RLIG1: variants seen among roughly 807,000 people sequenced by gnomAD.
The protein encoded by RLIG1 is RNA 5'-phosphate and 3'-OH ligase 1.
At chr12:88,047,103 T>G in the RLIG1 span, 1 of 952,366 alleles carries the variant, frequency 1.1e-6, no homozygotes, top group Non-Finnish European at 1.5e-6. Flanking sequence ...TTTAATTTTC[T>G]CATCCCATGT....
At chr12:88,035,619 C>T in the RLIG1 span, 16 of 1,578,800 alleles carry the variant, frequency 1.0e-5, no homozygotes, top group South Asian at 1.5e-4. Flanking sequence ...GAAAGCACGC[C>T]CTCCATTCGC....
chr12:88,045,267 T>C, the RLIG1 span: 2 of 211,480 alleles, frequency 9.5e-6, no homozygotes, highest in Non-Finnish European at 1.9e-5. Flanking sequence ...AAAACTTATT[T>C]TATATAAAAA....
the RLIG1 span, chr12:88,042,926 T>A: frequency 1.5e-5 from 23 of 1,486,766 alleles, no homozygotes; most frequent in Non-Finnish European, 2.0e-5. Flanking sequence ...AAAAGGTTAG[T>A]TTTTTTTTAA....
chr12:88,040,039 G>A, the RLIG1 span: 1 of 704,550 alleles, frequency 1.4e-6, no homozygotes, highest in Middle Eastern at 2.7e-4. Flanking sequence ...AGATGAACTG[G>A]AGATCATTCC....
chr12:88,045,662 G>C, the RLIG1 span: 2 of 1,612,952 alleles, frequency 1.2e-6, no homozygotes, highest in African/African-American at 2.7e-5. Flanking sequence ...AATTGCCCTG[G>C]TACTAAAACA....
chr12:88,042,836 CT>C, the RLIG1 span: 1 of 1,507,594 alleles, frequency 6.6e-7, no homozygotes. Context: ...TCAGCCATAC[CT>C]TTGGGCTCGA....
chr12:88,042,556 T>C, the RLIG1 span: 1 of 237,384 alleles, frequency 4.2e-6, no homozygotes, highest in Non-Finnish European at 8.1e-6. Context: ...CCATAAATGC[T>C]GCTAACTCAT....
At chr12:88,048,494 G>T in the RLIG1 span, 3 of 854,042 alleles carry the variant, frequency 3.5e-6, no homozygotes, top group South Asian at 7.8e-5. Context: ...ATATCTCAAG[G>T]TTTCTGTTCA....
the RLIG1 span, among the ~76,000 whole-genome samples, chr12:88,047,635 A>G: frequency 6.6e-6 from 1 of 152,132 alleles, no homozygotes; most frequent in African/African-American, 2.4e-5. Flanking sequence ...CACCCTCCAA[A>G]AATAGTATCT....
the RLIG1 span, chr12:88,045,832 AACTTTC>A: frequency 4.9e-6 from 7 of 1,443,218 alleles, no homozygotes; most frequent in Non-Finnish European, 6.7e-6. Context: ...TTATAAAGAG[AACTTTC>A]TAGGTCAACT....
the RLIG1 span, chr12:88,046,866 A>T: frequency 1.2e-6 from 2 of 1,613,208 alleles, no homozygotes; most frequent in South Asian, 2.2e-5. Context: ...ATTTCAAATA[A>T]GAAATCTACC....
the RLIG1 span, chr12:88,046,774 T>C: frequency 6.4e-7 from 1 of 1,557,034 alleles, no homozygotes; most frequent in South Asian, 1.2e-5. Flanking sequence ...TTCCTTTAAA[T>C]GAATATGGCT....
chr12:88,035,893 G>A, the RLIG1 span: 2 of 1,504,968 alleles, frequency 1.3e-6, no homozygotes. Flanking sequence ...TGGGGTGGGA[G>A]TTCCGTACGC....
chr12:88,046,777 A>C, the RLIG1 span: 4 of 1,574,634 alleles, frequency 2.5e-6, no homozygotes, highest in Non-Finnish European at 3.4e-6. Flanking sequence ...CTTTAAATGA[A>C]TATGGCTAAT....
At chr12:88,035,688 G>A in the RLIG1 span, 1 of 1,609,186 alleles carries the variant, frequency 6.2e-7, no homozygotes, top group Non-Finnish European at 8.5e-7. Flanking sequence ...AATGCCGTGT[G>A]TGTTTGTGAC....
At chr12:88,050,149 T>C in the RLIG1 span, 1 of 395,066 alleles carries the variant, frequency 2.5e-6, no homozygotes, top group Non-Finnish European at 4.5e-6. Context: ...ATAAATTTAC[T>C]ACTTAATCCT....
the RLIG1 span, among the ~76,000 whole-genome samples, chr12:88,045,971 T>C: frequency 1.3e-5 from 2 of 152,152 alleles, no homozygotes; most frequent in Admixed American, 1.3e-4. Context: ...TCCAAAAGGT[T>C]GATTTTTATC....
the RLIG1 span, chr12:88,045,622 G>A: frequency 6.2e-7 from 1 of 1,612,596 alleles, no homozygotes; most frequent in Non-Finnish European, 8.5e-7. Context: ...AGTATTGCTG[G>A]CATTCCTCTG....
chr12:88,047,115 C>T, the RLIG1 span: 1 of 838,060 alleles, frequency 1.2e-6, no homozygotes, highest in Non-Finnish European at 1.8e-6. Flanking sequence ...ATCCCATGTA[C>T]CACCATTTTT....
Sources: gnomAD v4.1 joint callset for allele counts (sites outside exome capture counted in the v4.1 genomes callset) on GRCh38, gnomAD v4.1.1 for gene constraint, MANE v1.5 for transcripts, NCBI Gene and HGNC (gene_info 2026-07-23, HGNC 2026-07-21) for gene names.